The following PHF19 variants were observed in gnomAD, a reference collection of about 807,000 sequenced individuals.
The protein encoded by PHF19 is polycomb like 3.
PHF19 carries 21 observed loss-of-function variants against 79.8 expected under a neutral mutation model. That is an observed-to-expected ratio of 0.26 (90% confidence interval 0.19 to 0.38). The LOEUF (loss-of-function observed/expected upper bound fraction) is 0.38, where lower values mean the gene tolerates loss of function less well. PHF19 is among the 10% of genes least tolerant of loss of function. PHF19 has a pLI of 1.00. For synonymous variants in PHF19, 273 were observed against 296.3 expected (o/e 0.92, Z 0.81); for missense variants, 445 against 744.2 (o/e 0.60, Z 4.68).
At chr9:120,898,843 A>C (rs1034068161), upstream of PHF19, among the ~76,000 whole-genome samples, 2 of 152,136 alleles carry the variant, frequency 1.3e-5, no homozygotes, top group African/African-American at 4.8e-5. Context: ...TCATGGAGCG[A>C]TGTAGGTAGA....
intron 6 of PHF19, among the ~76,000 whole-genome samples, chr9:120,867,608 A>C (rs1375405310): frequency 6.6e-6 from 1 of 152,258 alleles, no homozygotes; most frequent in Non-Finnish European, 1.5e-5. Flanking sequence ...CATTTTTAAC[A>C]AGCATCCTGT....
chr9:120,887,621 A>ACAC (rs2046283462), intron 1 of PHF19, among the ~76,000 whole-genome samples: 1 of 113,590 alleles, frequency 8.8e-6, no homozygotes, highest in African/African-American at 3.5e-5. Context: ...TTTATGAACA[A>ACAC]ACACACACAC....
At chr9:120,896,597 A>G (rs1446562014), upstream of PHF19, among the ~76,000 whole-genome samples, 2 of 151,434 alleles carry the variant, frequency 1.3e-5, no homozygotes, top group East Asian at 3.9e-4. Context: ...GACTACAGGC[A>G]CGCGCCACCA....
Position 120,857,954 on chromosome 9 carries a change from G to T in PHF19, c.1733C>A (p.Thr578Asn). ...ACCCCCGGGGGCTAGTCAGTAAGGG[G>T]TGGTCCCTTCCCACTCCACCAGGTA... Reference protein sequence around the residue: ...VQYLVEWEGTTPY With the variant: ...VQYLVEWEGTNPY Residue 578 changes from threonine (T) to asparagine (N), a missense_variant, in exon 15 of 15, where the codon ACC becomes AAC. Thr to Asn is a moderately conservative substitution (Grantham distance 65). Coordinates refer to ENST00000373896, the MANE Select transcript of PHF19 (RefSeq NM_015651.3). 6.3e-7 allele frequency: 1 copy of T among 1,594,642 alleles called. No homozygotes were observed. The highest frequency in any genetic ancestry group is 8.6e-7 in the Non-Finnish European group (1 of 1,166,112).
chr9:120,858,205 C>A lies in PHF19; in HGVS notation c.1482G>T (p.Leu494=). Residue 494 remains leucine, a synonymous_variant, in exon 15 of 15, where the codon CTG becomes CTT. Transcript: ENST00000373896. ...TGCTGTCCGAGGGGCAGCGTCCATC[C>A]AGCTCAGCTGCCCACCGCTTTGCCC... is the stretch of plus-strand genomic sequence containing the variant. ...PLRAKRWAAE[L]DGRCPSDSSA... 2 of 1,591,782 alleles carry A rather than the reference C, an allele frequency of 1.3e-6. No homozygotes were observed. Among genetic ancestry groups the A allele is most frequent in the Admixed American group, 1.7e-5 (1 of 59,186 alleles).
intron 14 of PHF19, among the ~76,000 whole-genome samples, chr9:120,859,735 G>GA (rs1670119457): frequency 6.6e-6 from 1 of 152,226 alleles, no homozygotes; most frequent in Non-Finnish European, 1.5e-5. Flanking sequence ...AAGAGGCAGA[G>GA]AGACACCCAA....
In PHF19 at chr9:120,866,144, C is replaced by T. The variant is rs775437434; in HGVS notation, c.711-48G>A. 3.0e-6 allele frequency: 4 copies of T among 1,328,300 alleles called. No individual in the cohort carries two copies. The highest frequency in any genetic ancestry group is 1.7e-5 in the Admixed American group (1 of 59,644). The allele number at this position is 1,328,300 out of a possible 1,614,324, so 82.3% of individuals were successfully genotyped here. A position where few individuals can be genotyped will look rare whatever the true frequency, so the allele number is the denominator to read the frequency against. On this transcript the variant is annotated intron_variant, in intron 7 of 14. Coordinates refer to ENST00000373896, the MANE Select transcript of PHF19 (RefSeq NM_015651.3). This position sits in a 1 kb window ranked among gnomAD's most constrained non-coding sequence, Gnocchi z 5.2. Reference sequence around the variant, plus strand: ...GCCTATGGTGGGAGGGGCTCTGACACCCCCACCCCAGTCCAGCCCCTTGAT... The same window carrying T: ...GCCTATGGTGGGAGGGGCTCTGACATCCCCACCCCAGTCCAGCCCCTTGAT...
chr9:120,863,811 G>A (rs148073782), intron 10 of PHF19, among the ~76,000 whole-genome samples: 128 of 152,358 alleles, frequency 8.4e-4, no homozygotes, highest in Non-Finnish European at 1.7e-3. Flanking sequence ...TCAGAGAGCA[G>A]GGGTGCAGCC....
chr9:120,858,044 C>T lies in PHF19; in HGVS notation c.1643G>A (p.Arg548Gln), dbSNP rs1353310692. 1.9e-6 allele frequency: 3 copies of T among 1,614,176 alleles called. No individual in the cohort carries two copies. The highest frequency in any genetic ancestry group is 2.5e-6 in the Non-Finnish European group (3 of 1,179,976). The change falls in exon 15 of 15, where the codon CGG becomes CAG. Residue 548 changes from arginine (R) to glutamine (Q), a missense_variant. This residue lies in a region of PHF19 where 20 missense variants were observed against 47.6 expected (regional missense o/e 0.42). Coordinates refer to ENST00000373896, the MANE Select transcript of PHF19 (RefSeq NM_015651.3). ...SITNYFGAAGRLACGEKYQVL... is the reference protein window; with the variant it reads ...SITNYFGAAGQLACGEKYQVL... ...CTGGTACTTCTCCCCACAGGCCAAC[C>T]GCCCAGCTGCACCAAAGTAGTTGGT...
intron 1 of PHF19, 118 bp downstream of exon 1, chr9:120,876,973 A>T (rs2046080248): frequency 1.1e-6 from 1 of 929,958 alleles, no homozygotes; most frequent in East Asian, 1.2e-4. Context: ...GCTCCGCAGG[A>T]GTCTCACCCC....
intron 1 of PHF19, among the ~76,000 whole-genome samples, chr9:120,884,237 T>TAGAG (rs10659074): frequency 0.68 from 103,924 of 151,734 alleles, 35,846 homozygotes; most frequent in Middle Eastern, 0.8. Context: ...CTGACTCAGA[T>TAGAG]ATAGTTAATT....
At chr9:120,877,433 C>CCCCG, upstream of PHF19, 1 of 730,912 alleles carries the variant, frequency 1.4e-6, no homozygotes, top group Non-Finnish European at 1.7e-6. Flanking sequence ...CGCCGCCAGC[C>CCCCG]CCCGCCCGCC....
upstream of PHF19, among the ~76,000 whole-genome samples, chr9:120,881,180 C>A (rs1322451277): frequency 6.9e-6 from 1 of 144,366 alleles, no homozygotes; most frequent in Non-Finnish European, 1.5e-5. Context: ...GAGAGTCTCG[C>A]TCTGTTGCCC....
chr9:120,863,625 G>A (rs549802290), intron 10 of PHF19, among the ~76,000 whole-genome samples: 1 of 152,274 alleles, frequency 6.6e-6, no homozygotes, highest in East Asian at 1.9e-4. Flanking sequence ...CAGGAGGCTG[G>A]GCATGCCTCT....
chr9:120,866,833 C>T lies in PHF19; in HGVS notation c.710+37G>A. The stretch of plus-strand genomic sequence containing the variant: ...GCTGCCATCCCTGCCCTCTCCCCAC[C>T]ACGCCCAAGGCCCACTTGGACCAAA... On this transcript the variant is annotated intron_variant, in intron 7 of 14. Transcript: ENST00000373896. The surrounding 1 kb of genome is among the most constrained non-coding windows in gnomAD (Gnocchi z 5.2). The T allele has an allele frequency of 8.5e-7, 1 of 1,172,478 alleles. No homozygotes were observed. Among genetic ancestry groups the T allele is most frequent in the South Asian group, 1.2e-5 (1 of 82,146 alleles). The allele number at this position is 1,172,478 out of a possible 1,614,324, so 72.6% of individuals were successfully genotyped here.
intron 6 of PHF19, chr9:120,868,248 TTCA>T (rs2045764611): frequency 6.6e-6 from 1 of 152,230 alleles, no homozygotes; most frequent in South Asian, 2.1e-4. Context: ...GAAAAGGATC[TTCA>T]TATCTCACCA....
At chr9:120,898,857 T>C (rs1336516563), upstream of PHF19, among the ~76,000 whole-genome samples, 1 of 152,214 alleles carries the variant, frequency 6.6e-6, no homozygotes, top group Non-Finnish European at 1.5e-5. Context: ...AGGTAGAGCC[T>C]GCAGTGCCGT....
Position 120,872,037 on chromosome 9 carries a change from C to CAAAAAAAAAAAA in PHF19, c.269-1511_269-1500dup, listed in dbSNP as rs1170243737. The stretch of plus-strand genomic sequence containing the variant: ...TGGGTGACAGAGCAAGACTCTGTCT[C>CAAAAAAAAAAAA]AAAAAAAAAAAAAAAAAAAAAAAAA... On this transcript the variant is annotated intron_variant, in intron 3 of 14. Coordinates refer to ENST00000373896, the MANE Select transcript of PHF19 (RefSeq NM_015651.3). Among the ~76,000 whole-genome samples, 11 of 30,324 alleles carry CAAAAAAAAAAAA rather than the reference C, an allele frequency of 3.6e-4. 1 individual carries two copies. Among genetic ancestry groups the CAAAAAAAAAAAA allele is most frequent in the African/African-American group, 9.3e-4 (7 of 7,532 alleles). The allele number at this position is 30,324 out of a possible 152,430, so 19.9% of individuals were successfully genotyped here.
intron 1 of PHF19, among the ~76,000 whole-genome samples, chr9:120,875,577 C>G (rs1349563084): frequency 1.3e-5 from 2 of 152,232 alleles, no homozygotes; most frequent in Non-Finnish European, 2.9e-5. Flanking sequence ...CTTTCCAGCT[C>G]TAGCTTCCAT....
Sources: allele counts gnomAD v4.1 joint callset (sites outside exome capture counted in the v4.1 genomes callset), GRCh38; gene constraint gnomAD v4.1.1; regional missense constraint gnomAD v4.1.1; non-coding constraint Gnocchi (gnomAD v3.1); transcripts MANE v1.5; gene names NCBI Gene and HGNC (gene_info 2026-07-23, HGNC 2026-07-21).